SRCAP: variants seen among roughly 807,000 people sequenced by gnomAD.
SRCAP encodes Snf2 related CREBBP activator protein, also known as chromatin remodeling protein SRCAP.
In SRCAP, 46 loss-of-function variants were observed where a neutral mutation model predicts 263.1. The ratio of observed to expected loss-of-function variants is 0.17; its 90% confidence interval spans 0.14 to 0.22. The LOEUF (loss-of-function observed/expected upper bound fraction) is 0.22, where lower values mean the gene tolerates loss of function less well. Among genes scored for constraint, SRCAP ranks in the 10% least tolerant of loss-of-function variants. The pLI is 1.00. For synonymous variants in SRCAP, 1,813 were observed against 1,662.1 expected, an observed-to-expected ratio of 1.09 and a Z score of -2.21; for missense variants, 3,695 against 4,181.9, an observed-to-expected ratio of 0.88 and a Z score of 3.21.
In SRCAP at chr16:30,725,037, G is replaced by A. The variant is rs758578034; in HGVS notation, c.5613G>A (p.Arg1871=). 5 of 1,613,296 alleles carry A rather than the reference G, an allele frequency of 3.1e-6. No individual in the cohort carries two copies. The African/African-American group carries it at 6.7e-5, about 22-fold the overall frequency. ...PSTATSFGGP[R]PRRQPPPPPR... is the part of the protein sequence containing the mutation. Reference sequence around the variant, plus strand: ...CTGCTACCTCGTTTGGTGGCCCCCGGCCTCGACGCCAGCCCCCCCCACCAC... The same window carrying A: ...CTGCTACCTCGTTTGGTGGCCCCCGACCTCGACGCCAGCCCCCCCCACCAC... Residue 1871 remains arginine (R), a synonymous_variant, in exon 25 of 34, where the codon CGG becomes CGA. Transcript: ENST00000262518.
At chr16:30,729,655 T>G in intron 27 of SRCAP, 83 bp downstream of exon 27, 1 of 1,510,618 alleles carries the variant, frequency 6.6e-7, no homozygotes, top group Non-Finnish European at 9.1e-7. Flanking sequence ...GATGCTGCAC[T>G]TAAGTTCTCT....
At position 30,730,775 on chromosome 16, in the gene SRCAP, C is replaced by A. The variant is rs1316034435; in HGVS notation, c.6127+1203C>A. ...GAGTTTCGCTGTGTTTCAAGGTATTCTCCTGCCTCAGCCTCCCGAGTAGCT... is the reference window on the plus strand; with the variant it reads ...GAGTTTCGCTGTGTTTCAAGGTATTATCCTGCCTCAGCCTCCCGAGTAGCT... On this transcript the variant is annotated intron_variant, in intron 27 of 33. Transcript: ENST00000262518. 2.7e-5 allele frequency among the ~76,000 whole-genome samples: 4 copies of A among 145,654 alleles called. No homozygotes were observed. In the East Asian group the frequency reaches 8.0e-4, roughly 29 times the overall value.
intron 19 of SRCAP, 95 bp downstream of exon 19, chr16:30,720,426 A>G: frequency 7.1e-7 from 1 of 1,411,710 alleles, no homozygotes; most frequent in Non-Finnish European, 9.7e-7. Flanking sequence ...GTTGGATGCA[A>G]GGCTGGAATA....
At position 30,704,164 on chromosome 16, in the gene SRCAP, C is replaced by A; in HGVS notation, c.155C>A (p.Ala52Asp). The A allele has an allele frequency of 6.2e-7, 1 of 1,614,218 alleles. No individual in the cohort carries two copies. Among genetic ancestry groups the A allele is most frequent in the Non-Finnish European group, 8.5e-7 (1 of 1,180,046 alleles). The part of the protein sequence containing the change: ...GAGGISPQHI[A>D]QDSSLDGPPG... The stretch of plus-strand genomic sequence containing the variant: ...GGCGGCATCTCCCCGCAGCACATAG[C>A]TCAAGATTCCTCACTGGATGGACCT... Residue 52 changes from alanine (A) to aspartate (D), a missense_variant, in exon 4 of 34, where the codon GCT becomes GAT. Transcript: ENST00000262518.
In SRCAP at chr16:30,723,958, G is replaced by A; in HGVS notation, c.4534G>A (p.Ala1512Thr). ...ASALTLGLAT[A>T]PSLSSSQTPG... ...AGCCTTGACTCTAGGTTTGGCCACA[G>A]CTCCATCCCTGTCTTCATCTCAGAC... is the stretch of plus-strand genomic sequence containing the variant. Residue 1512 changes from alanine (A) to threonine (T), a missense_variant, in exon 25 of 34, where the codon GCT becomes ACT. Ala to Thr is a moderately conservative substitution (Grantham distance 58). This residue lies in a region of SRCAP where 1,347 missense variants were observed against 1,304.4 expected (regional missense o/e 1.03). Coordinates refer to ENST00000262518, the MANE Select transcript of SRCAP (RefSeq NM_006662.3). The A allele has an allele frequency of 6.2e-7, 1 of 1,614,134 alleles. No homozygotes were observed. Among genetic ancestry groups the A allele is most frequent in the South Asian group, 1.1e-5 (1 of 91,092 alleles).
rs1328966696 is a variant in SRCAP, at chr16:30,739,370, G to C, written c.9330G>C (p.Val3110=). The C allele has an allele frequency of 1.2e-6, 2 of 1,614,188 alleles. No individual in the cohort carries two copies. Among genetic ancestry groups the C allele is most frequent in the Non-Finnish European group, 1.7e-6 (2 of 1,180,008 alleles). ...GCGGGTTGGAATTGACACCACCTGT[G>C]GTCTCACTAACCCCAAAACTGCGCT... is the stretch of plus-strand genomic sequence containing the variant. The part of the protein sequence containing the change: ...GPGGLELTPP[V]VSLTPKLRST... Residue 3110 remains valine (V), a synonymous_variant, in exon 34 of 34, where the codon GTG becomes GTC. Coordinates refer to ENST00000262518, the MANE Select transcript of SRCAP (RefSeq NM_006662.3).
At position 30,728,976 on chromosome 16, in the gene SRCAP, A is replaced by T. The variant is rs1319056235; in HGVS notation, c.5669A>T (p.Glu1890Val). Residue 1890 changes from glutamate to valine, a missense_variant, in exon 26 of 34, where the codon GAG (glutamate) becomes GTG (valine). Glu to Val is a moderately radical substitution (Grantham distance 121). Transcript: ENST00000262518. ...TTCTCTCACCCCCAGGACTCCCTGG[A>T]GGAAAAGCGGAAGCGGCAGCGGTCT... ...PRSPFYLDSL[E>V]EKRKRQRSER... The T allele has an allele frequency of 1.9e-6, 3 of 1,612,868 alleles. No homozygotes were observed. The highest frequency in any genetic ancestry group is 2.5e-6 in the Non-Finnish European group (3 of 1,179,120).
Position 30,724,672 on chromosome 16 carries a change from C to T in SRCAP, c.5248C>T (p.Pro1750Ser), listed in dbSNP as rs1421771701. Residue 1750 changes from proline to serine, a missense_variant, in exon 25 of 34, where the codon CCA becomes TCA. Around this residue, in one of 12 missense-constraint regions of SRCAP, gnomAD observed 1,347 missense variants for 1,304.4 expected, o/e 1.03. Transcript: ENST00000262518. ...LGPTQTLSLA[P>S]APPLAPASPV... Reference sequence around the variant, plus strand: ...TCCAACTCAGACGCTGTCTCTGGCTCCAGCACCCCCTCTGGCTCCAGCTTC... The same window carrying T: ...TCCAACTCAGACGCTGTCTCTGGCTTCAGCACCCCCTCTGGCTCCAGCTTC... 7.4e-6 allele frequency: 12 copies of T among 1,614,100 alleles called. No homozygotes were observed. The highest frequency in any genetic ancestry group is 1.3e-5 in the African/African-American group (1 of 74,942).
At chr16:30,736,140 T>C (rs1027075068) in intron 31 of SRCAP, 60 bp from the exon 32 acceptor site, 7 of 1,598,076 alleles carry the variant, frequency 4.4e-6, no homozygotes, top group Non-Finnish European at 5.1e-6. Context: ...CTGAATCAAA[T>C]CACAGGATGT....
chr16:30,722,571 G>A lies in SRCAP; in HGVS notation c.3715G>A (p.Val1239Met). The stretch of plus-strand genomic sequence containing the variant: ...CTCTTCCCTTAACCCAGGGAATGTG[G>A]TGCACCTCGTGTCAGCAGGGGGGCA... ...GQPRPLQRNV[V>M]HLVSAGGQHH... Residue 1239 changes from valine (V) to methionine (M), a missense_variant, in exon 23 of 34, where the codon GTG becomes ATG. By Grantham distance (21) the Val-to-Met change is conservative. Around this residue, in one of 12 missense-constraint regions of SRCAP, gnomAD observed 1,347 missense variants for 1,304.4 expected, o/e 1.03. Transcript: ENST00000262518. 2.5e-6 allele frequency: 4 copies of A among 1,613,954 alleles called. No individual in the cohort carries two copies. The highest frequency in any genetic ancestry group is 3.4e-6 in the Non-Finnish European group (4 of 1,179,984).
chr16:30,712,477 C>G (rs776109646), intron 13 of SRCAP, 38 bp downstream of exon 13: 1 of 1,540,646 alleles, frequency 6.5e-7, no homozygotes, highest in Non-Finnish European at 8.7e-7. Context: ...TCCCCCTAGT[C>G]TAGCTCCCTG....
chr16:30,699,364 C>T (rs1421045078), intron 1 of SRCAP, 122 bp downstream of exon 1: 12 of 394,284 alleles, frequency 3.0e-5, no homozygotes, highest in East Asian at 1.1e-4. Context: ...TTCACACTGC[C>T]TGTTTCCGGC....
At position 30,724,684 on chromosome 16, in the gene SRCAP, C is replaced by G; in HGVS notation, c.5260C>G (p.Leu1754Val). Reference sequence around the variant, plus strand: ...GCTGTCTCTGGCTCCAGCACCCCCTCTGGCTCCAGCTTCTCCAGTGGGCCC... The same window carrying G: ...GCTGTCTCTGGCTCCAGCACCCCCTGTGGCTCCAGCTTCTCCAGTGGGCCC... ...QTLSLAPAPP[L>V]APASPVGPAP... The change falls in exon 25 of 34, where the codon CTG becomes GTG. Residue 1754 changes from leucine (L) to valine (V), a missense_variant. This residue lies in a region of SRCAP where 1,347 missense variants were observed against 1,304.4 expected (regional missense o/e 1.03). Transcript: ENST00000262518. The G allele has an allele frequency of 6.2e-7, 1 of 1,614,186 alleles. No individual in the cohort carries two copies. Among genetic ancestry groups the G allele is most frequent in the Non-Finnish European group, 8.5e-7 (1 of 1,180,034 alleles).
At chr16:30,736,492 G>T (rs1004373441) in intron 32 of SRCAP, 49 bp from the exon 33 acceptor site, 3 of 1,612,546 alleles carry the variant, frequency 1.9e-6, no homozygotes, top group Admixed American at 3.3e-5. Context: ...GGGTGGTGGG[G>T]CCCTGGGTAC....
chr16:30,710,263 A>T, intron 8 of SRCAP, 135 bp downstream of exon 8: 1 of 940,704 alleles, frequency 1.1e-6, no homozygotes, highest in Non-Finnish European at 1.6e-6. Context: ...CTCTTTGGGG[A>T]TGACTGGGGA....
At chr16:30,704,369 C>A (rs2052803059) in intron 4 of SRCAP, 54 bp downstream of exon 4, 20 of 1,525,408 alleles carry the variant, frequency 1.3e-5, no homozygotes, top group Non-Finnish European at 1.7e-5. Flanking sequence ...CCGTAAACTC[C>A]CACGTCCTCT....
At chr16:30,722,830 T>C in intron 23 of SRCAP, 82 bp downstream of exon 23, 10 of 1,549,112 alleles carry the variant, frequency 6.5e-6, no homozygotes, top group Non-Finnish European at 8.7e-6. Context: ...TGTCCAGCCT[T>C]CCCTCAGTGT....
Position 30,710,059 on chromosome 16 carries a change from A to G in SRCAP, c.1065A>G (p.Ser355=), listed in dbSNP as rs376622014. 2.8e-5 allele frequency: 45 copies of G among 1,613,926 alleles called. No homozygotes were observed. The Middle Eastern group carries it at 4.9e-4, about 18-fold the overall frequency. The part of the protein sequence containing the change: ...EGPSSPSQTP[S]SHDSDTRDGP... Reference sequence around the variant, plus strand: ...CTTCCAGCCCCTCTCAAACCCCCTCATCTCATGATAGTGACACCCGAGATG... The same window carrying G: ...CTTCCAGCCCCTCTCAAACCCCCTCGTCTCATGATAGTGACACCCGAGATG... The change falls in exon 8 of 34, where the codon TCA becomes TCG. Residue 355 remains serine (S), a synonymous_variant. Coordinates refer to ENST00000262518, the MANE Select transcript of SRCAP (RefSeq NM_006662.3).
At chr16:30,729,827 G>T (rs570537489) in intron 27 of SRCAP, among the ~76,000 whole-genome samples, 2 of 152,274 alleles carry the variant, frequency 1.3e-5, no homozygotes, top group South Asian at 2.1e-4. Context: ...GGAGTGCAGT[G>T]CAGTGGTGCA....
Sources: allele counts gnomAD v4.1 joint callset (sites outside exome capture counted in the v4.1 genomes callset), GRCh38; gene constraint gnomAD v4.1.1; regional missense constraint gnomAD v4.1.1; transcripts MANE v1.5; gene names NCBI Gene and HGNC (gene_info 2026-07-23, HGNC 2026-07-21).